The following CDC14B variants were observed in gnomAD, a reference collection of about 807,000 sequenced individuals.
The protein encoded by CDC14B is cell division cycle 14B.
Under a neutral mutation model 64.2 loss-of-function variants are expected in CDC14B, and 22 were observed. The observed-to-expected ratio is 0.34, with a 90% confidence interval of 0.24 to 0.49. The LOEUF (loss-of-function observed/expected upper bound fraction) is 0.49, where lower values mean the gene tolerates loss of function less well. Among genes scored for constraint, CDC14B ranks in the 20% least tolerant of loss-of-function variants. CDC14B has a pLI of 0.99. For missense variants in CDC14B, 498 were observed against 629.9 expected (o/e 0.79, Z 2.24); for synonymous variants, 191 against 215.8 (o/e 0.89, Z 1.01).
At chr9:96,618,239 G>A (rs1432970282) in intron 1 of CDC14B, among the ~76,000 whole-genome samples, 1 of 152,172 alleles carries the variant, frequency 6.6e-6, no homozygotes, top group Non-Finnish European at 1.5e-5. Context: ...GCTAGGGGCT[G>A]GAAACAGTTT....
intron 12 of CDC14B, among the ~76,000 whole-genome samples, chr9:96,510,436 A>G (rs1834754339): frequency 6.6e-6 from 1 of 152,150 alleles, no homozygotes; most frequent in Non-Finnish European, 1.5e-5. Context: ...TGCATATGAG[A>G]GTAGGCTGCC....
chr9:96,515,700 A>G lies in CDC14B; in HGVS notation c.1344-5911T>C. 6.2e-7 allele frequency: 1 copy of G among 1,603,286 alleles called. No homozygotes were observed. Among genetic ancestry groups the G allele is most frequent in the Non-Finnish European group, 8.5e-7 (1 of 1,175,338 alleles). On this transcript the variant is annotated intron_variant, in intron 12 of 13. Transcript: ENST00000375241. The surrounding 1 kb of genome is among the most constrained non-coding windows in gnomAD (Gnocchi z 4.3). ...TGGCTACTGTGTTCTGAAACCATCG[A>G]GACAGAATAGCAGGATGGGAAGAAT...
intron 1 of CDC14B, among the ~76,000 whole-genome samples, chr9:96,583,363 G>GTATT (rs1278065827): frequency 5.1e-4 from 72 of 140,778 alleles, no homozygotes; most frequent in African/African-American, 1.8e-3. Flanking sequence ...GCTACTGGTT[G>GTATT]TATTTATTTA....
chr9:96,505,774 G>T (rs1834040091), intron 13 of CDC14B, among the ~76,000 whole-genome samples: 1 of 152,194 alleles, frequency 6.6e-6, no homozygotes, highest in South Asian at 2.1e-4. Context: ...GGCCACACAG[G>T]CTGCCTGGCC....
chr9:96,587,299 C>T (rs573054025), intron 1 of CDC14B, among the ~76,000 whole-genome samples: 10 of 152,232 alleles, frequency 6.6e-5, no homozygotes, highest in Non-Finnish European at 1.3e-4. Context: ...CTGTCTAATA[C>T]AGGAGCCACT....
intron 1 of CDC14B, among the ~76,000 whole-genome samples, chr9:96,615,223 T>C (rs928284919): frequency 1.3e-5 from 2 of 152,176 alleles, no homozygotes; most frequent in Non-Finnish European, 2.9e-5. Context: ...ATCCGTGTCA[T>C]TGCACATGGC....
intron 1 of CDC14B, among the ~76,000 whole-genome samples, chr9:96,596,467 C>A (rs1846085079): frequency 6.6e-6 from 1 of 151,392 alleles, no homozygotes; most frequent in South Asian, 2.1e-4. Context: ...GAAAAATACA[C>A]TGGATAGGAC....
rs1318785733 is a variant in CDC14B at position 96,512,328 on chromosome 9, T to C, written c.1344-2539A>G. ...GAATTGTTTTTAAAATTTTTTTTCT[T>C]TTTTTTTTTTTTTTTAAGAGACAGG... On this transcript the variant is annotated intron_variant, in intron 12 of 13. Coordinates refer to ENST00000375241, the MANE Select transcript of CDC14B (RefSeq NM_033331.4). 2.1e-5 allele frequency among the ~76,000 whole-genome samples: 3 copies of C among 143,702 alleles called. No homozygotes were observed. The East Asian group carries it at 5.9e-4, about 28-fold the overall frequency. The allele number at this position is 143,702 out of a possible 152,430, so 94.3% of individuals were successfully genotyped here.
chr9:96,614,616 G>A (rs1219319728), intron 1 of CDC14B, among the ~76,000 whole-genome samples: 1 of 152,056 alleles, frequency 6.6e-6, no homozygotes, highest in Non-Finnish European at 1.5e-5. Context: ...CTGAGGAAAG[G>A]AGAAAGTACA....
At chr9:96,576,642 A>C (rs1292587009) in intron 1 of CDC14B, among the ~76,000 whole-genome samples, 99 of 151,774 alleles carry the variant, frequency 6.5e-4, no homozygotes, top group Middle Eastern at 3.4e-3. Flanking sequence ...CAAAAAAAAA[A>C]AAAAAAAAAA....
chr9:96,576,081 G>A (rs1408346755), intron 1 of CDC14B, among the ~76,000 whole-genome samples: 1 of 151,946 alleles, frequency 6.6e-6, no homozygotes, highest in Non-Finnish European at 1.5e-5. Flanking sequence ...TTTGAGACCA[G>A]CCTGGCCAAC....
intron 1 of CDC14B, among the ~76,000 whole-genome samples, chr9:96,583,983 G>A (rs897926971): frequency 2.6e-5 from 4 of 152,140 alleles, no homozygotes; most frequent in Admixed American, 2.0e-4. Context: ...CTCCCAAAGT[G>A]TTGGGATTAC....
intron 1 of CDC14B, among the ~76,000 whole-genome samples, chr9:96,588,795 C>T (rs907605273): frequency 6.6e-6 from 1 of 152,150 alleles, no homozygotes; most frequent in Non-Finnish European, 1.5e-5. Context: ...TTTTAAAACA[C>T]TACCTTTTCT....
intron 2 of CDC14B, 110 bp from the exon 3 acceptor site, chr9:96,564,962 G>A (rs1305957617): frequency 1.5e-6 from 1 of 647,678 alleles, no homozygotes; most frequent in African/African-American, 1.8e-5. Context: ...ATACCAAATT[G>A]TTATGGGCCA....
At chr9:96,602,083 A>C (rs1356104967) in intron 1 of CDC14B, among the ~76,000 whole-genome samples, 2 of 152,134 alleles carry the variant, frequency 1.3e-5, no homozygotes, top group Non-Finnish European at 2.9e-5. Flanking sequence ...AAACAAAAAC[A>C]AAACAAAACA....
chr9:96,507,950 C>T (rs1052744961), intron 13 of CDC14B, among the ~76,000 whole-genome samples: 1 of 152,032 alleles, frequency 6.6e-6, no homozygotes, highest in Non-Finnish European at 1.5e-5. Flanking sequence ...AATATTTATA[C>T]ATCTCTATAT....
chr9:96,544,870 GA>G (rs1840585726), intron 5 of CDC14B, among the ~76,000 whole-genome samples: 1 of 152,016 alleles, frequency 6.6e-6, no homozygotes, highest in Admixed American at 6.6e-5. Context: ...CCACATCCTA[GA>G]AAAAGTCTTT....
At chr9:96,511,329 T>G (rs1385920869) in intron 12 of CDC14B, among the ~76,000 whole-genome samples, 1 of 152,142 alleles carries the variant, frequency 6.6e-6, no homozygotes, top group African/African-American at 2.4e-5. Context: ...TCCTAGCACT[T>G]TGAGAGGCCG....
chr9:96,503,745 G>GT lies in CDC14B; in HGVS notation c.*7dup, dbSNP rs1564187425. 2 of 1,613,048 alleles carry GT rather than the reference G, an allele frequency of 1.2e-6. No homozygotes were observed. Among genetic ancestry groups the GT allele is most frequent in the Admixed American group, 3.3e-5 (2 of 59,988 alleles). ...AGTCTTCCTTCAGCTCTGGTCACAG[G>GT]TTTTTACTTAACGCAAGACTGTTTT... On this transcript the variant is annotated 3_prime_UTR_variant, in exon 14 of 14. Coordinates refer to ENST00000375241, the MANE Select transcript of CDC14B (RefSeq NM_033331.4).
Sources: gnomAD v4.1 joint callset for allele counts (sites outside exome capture counted in the v4.1 genomes callset) on GRCh38, gnomAD v4.1.1 for gene constraint, Gnocchi (gnomAD v3.1) non-coding constraint, MANE v1.5 for transcripts, NCBI Gene and HGNC (gene_info 2026-07-23, HGNC 2026-07-21) for gene names.